The following MACROD2 variants were observed in gnomAD, a reference collection of about 807,000 sequenced individuals.
MACROD2 encodes the protein mono-ADP ribosylhydrolase 2, also known as ADP-ribose glycohydrolase MACROD2.
Under a neutral mutation model 70.4 loss-of-function variants are expected in MACROD2, and 36 were observed. The observed-to-expected ratio is 0.51, with a 90% CI of 0.39 to 0.68. The LOEUF is 0.68. MACROD2 is among the 30% of genes least tolerant of loss of function. The pLI, the probability that MACROD2 is intolerant of heterozygous loss-of-function variation, is 0.00. For synonymous variants in MACROD2, 172 were observed against 178.8 expected (o/e 0.96, Z 0.30); for missense variants, 496 against 538.4 (o/e 0.92, Z 0.78).
intron 8 of MACROD2, among the ~76,000 whole-genome samples, chr20:15,792,313 G>A (rs1388248832): frequency 6.6e-6 from 1 of 152,036 alleles, no homozygotes; most frequent in Non-Finnish European, 1.5e-5. Context: ...TTAGTGGAAA[G>A]TCTTTCCATG....
intron 3 of MACROD2, among the ~76,000 whole-genome samples, chr20:14,428,097 T>G (rs1028877195): frequency 1.3e-5 from 2 of 152,106 alleles, no homozygotes; most frequent in African/African-American, 4.8e-5. Flanking sequence ...CAAATGTAAT[T>G]TAGCAGAAAA....
intron 3 of MACROD2, among the ~76,000 whole-genome samples, chr20:14,392,055 A>G (rs1202235373): frequency 1.3e-5 from 2 of 151,664 alleles, no homozygotes; most frequent in Non-Finnish European, 1.5e-5. Context: ...AATAACCTCC[A>G]TGAGACTTTT....
chr20:15,213,168 A>G (rs1277326383), intron 5 of MACROD2, among the ~76,000 whole-genome samples: 2 of 152,214 alleles, frequency 1.3e-5, no homozygotes, highest in African/African-American at 2.4e-5. Flanking sequence ...TCACTTAGCC[A>G]GAATTTACTT....
intron 10 of MACROD2, among the ~76,000 whole-genome samples, chr20:15,906,262 C>T (rs1482128740): frequency 6.6e-6 from 1 of 152,234 alleles, no homozygotes; most frequent in Non-Finnish European, 1.5e-5. Flanking sequence ...CAACCCTTCA[C>T]CAAATCAGAA....
chr20:16,038,642 A>G (rs1348125934), intron 15 of MACROD2, among the ~76,000 whole-genome samples: 3 of 151,878 alleles, frequency 2.0e-5, no homozygotes, highest in Non-Finnish European at 2.9e-5. Flanking sequence ...AATTTCCAAA[A>G]TACATTAATT....
At chr20:15,055,477 G>T (rs1338991739) in intron 5 of MACROD2, among the ~76,000 whole-genome samples, 1 of 152,080 alleles carries the variant, frequency 6.6e-6, no homozygotes, top group East Asian at 1.9e-4. Context: ...TGGCCTAATG[G>T]TTTACAAGAA....
chr20:15,661,297 G>T (rs2049818416), intron 8 of MACROD2, among the ~76,000 whole-genome samples: 3 of 152,136 alleles, frequency 2.0e-5, no homozygotes, highest in Admixed American at 2.0e-4. Flanking sequence ...TCACAGCTTG[G>T]CAGGCTCTAC....
chr20:14,126,423 G>A (rs1425716452), intron 3 of MACROD2, among the ~76,000 whole-genome samples: 1 of 152,140 alleles, frequency 6.6e-6, no homozygotes, highest in Admixed American at 6.5e-5. Flanking sequence ...GGTAATGGGG[G>A]TTAGGGATTC....
At chr20:14,004,478 C>G (rs961693735) in intron 2 of MACROD2, among the ~76,000 whole-genome samples, 1 of 151,986 alleles carries the variant, frequency 6.6e-6, no homozygotes, top group African/African-American at 2.4e-5. Flanking sequence ...CTGTTGTGAC[C>G]CAGACTCTGG....
chr20:14,245,429 A>G (rs542553884), intron 3 of MACROD2, among the ~76,000 whole-genome samples: 1 of 152,094 alleles, frequency 6.6e-6, no homozygotes, highest in Admixed American at 6.6e-5. Context: ...CACATCAACC[A>G]TGGAAATTAA....
At chr20:15,023,306 A>T (rs1355181543) in intron 5 of MACROD2, among the ~76,000 whole-genome samples, 1 of 152,186 alleles carries the variant, frequency 6.6e-6, no homozygotes, top group Non-Finnish European at 1.5e-5. Context: ...ATCTTCAGAA[A>T]ACTCTGAGAG....
In MACROD2 at chr20:14,841,590, A is replaced by G. The variant is rs116853792; in HGVS notation, c.418+156631A>G. ...TACAATGTATTTGAATGACACTACA[A>G]TGCAGCTTTTGTAGGTGATCAGATA... is the stretch of plus-strand genomic sequence containing the variant. On this transcript the variant is annotated intron_variant, in intron 5 of 17. Coordinates refer to ENST00000684519, the MANE Select transcript of MACROD2 (RefSeq NM_001351661.2). Among the ~76,000 whole-genome samples, 106 of 152,248 alleles carry G rather than the reference A, an allele frequency of 7.0e-4. 2 individuals are homozygous for G. The East Asian group carries it at 0.018, about 26-fold the overall frequency.
intron 5 of MACROD2, among the ~76,000 whole-genome samples, chr20:14,938,457 T>G (rs1391730779): frequency 2.0e-5 from 3 of 152,066 alleles, no homozygotes; most frequent in Admixed American, 2.0e-4. Context: ...TATTGAACAT[T>G]TGAAAAGTGC....
chr20:14,846,443 G>T (rs1320841851), intron 5 of MACROD2, among the ~76,000 whole-genome samples: 3 of 149,806 alleles, frequency 2.0e-5, no homozygotes, highest in Admixed American at 6.7e-5. Context: ...CAGGCTGGAA[G>T]TTTTTTCGAA....
At chr20:14,328,836 G>A (rs1257963508) in intron 3 of MACROD2, 1 of 152,034 alleles carries the variant, frequency 6.6e-6, no homozygotes. Context: ...CTGTTACTAT[G>A]TAGGACACAT....
chr20:14,968,773 A>G (rs933544540), intron 5 of MACROD2, among the ~76,000 whole-genome samples: 1 of 152,304 alleles, frequency 6.6e-6, no homozygotes, highest in African/African-American at 2.4e-5. Context: ...TGGATTAGAT[A>G]GCCATCACCA....
intron 5 of MACROD2, among the ~76,000 whole-genome samples, chr20:14,907,898 G>C (rs1335294426): frequency 1.3e-5 from 2 of 152,128 alleles, no homozygotes; most frequent in Non-Finnish European, 2.9e-5. Flanking sequence ...TTTGTTGAAA[G>C]AAAGCTCAAG....
intron 10 of MACROD2, among the ~76,000 whole-genome samples, chr20:15,899,878 C>A (rs534698157): frequency 6.6e-6 from 1 of 152,114 alleles, no homozygotes; most frequent in East Asian, 1.9e-4. Context: ...AGCACTATGC[C>A]AGTTTGAGGG....
chr20:15,634,380 T>C (rs927716114), intron 8 of MACROD2, among the ~76,000 whole-genome samples: 2 of 152,242 alleles, frequency 1.3e-5, no homozygotes, highest in African/African-American at 4.8e-5. Flanking sequence ...GAAATGTCTT[T>C]ATTATTCATA....
Sources: allele counts gnomAD v4.1 joint callset (sites outside exome capture counted in the v4.1 genomes callset), GRCh38; gene constraint gnomAD v4.1.1; transcripts MANE v1.5; gene names NCBI Gene and HGNC (gene_info 2026-07-23, HGNC 2026-07-21).